The following PRELID3A variants were observed in gnomAD, a reference collection of about 807,000 sequenced individuals.
PRELID3A encodes the protein PRELI domain containing 3A.
A neutral mutation model predicts 23.0 loss-of-function variants in PRELID3A; 27 were observed. The ratio of observed to expected loss-of-function variants is 1.17; its 90% confidence interval spans 0.87 to 1.62. The LOEUF is 1.62. PRELID3A is among the 40% of genes most tolerant of loss of function. The probability of loss-of-function intolerance (pLI) is 0.00; values close to 1 mark genes in which losing one functional copy is unlikely to be tolerated. For synonymous variants in PRELID3A, 87 were observed against 86.4 expected (o/e 1.01, Z -0.04); for missense variants, 231 against 231.4 (o/e 1.00, Z 0.01).
rs1201610572 is a variant in PRELID3A, at chr18:12,407,998, A to G, written c.23A>G (p.His8Arg). ...GCAATGAAGATCTGGAGCTCGGAGC[A>G]CGTGTTTGGGTGAGGCCGGGCTGAG... MKIWSSE[H>R]VFGHPWDTVI... The change falls in exon 1 of 7, where the codon CAC becomes CGC. Residue 8 changes from histidine to arginine, a missense_variant. Transcript: ENST00000440960. 7.7e-7 allele frequency: 1 copy of G among 1,297,138 alleles called. No homozygotes were observed. The highest frequency in any genetic ancestry group is 3.1e-5 in the East Asian group (1 of 32,118). The allele number at this position is 1,297,138 out of a possible 1,614,324, so 80.4% of individuals were successfully genotyped here. A position where few individuals can be genotyped will look rare whatever the true frequency, so the allele number is the denominator to read the frequency against.
chr18:12,407,995 A>G lies in PRELID3A; in HGVS notation c.20A>G (p.Glu7Gly), dbSNP rs1032291511. ...GCGGCAATGAAGATCTGGAGCTCGG[A>G]GCACGTGTTTGGGTGAGGCCGGGCT... The part of the protein sequence containing the change: MKIWSS[E>G]HVFGHPWDTV... Residue 7 changes from glutamate (E) to glycine (G), a missense_variant, in exon 1 of 7, where the codon GAG (glutamate) becomes GGG (glycine). By Grantham distance (98) the Glu-to-Gly change is moderately conservative (BLOSUM62 -2). Coordinates refer to ENST00000440960, the MANE Select transcript of PRELID3A (RefSeq NM_001142405.2). 2 of 1,296,958 alleles carry G rather than the reference A, an allele frequency of 1.5e-6. No individual in the cohort carries two copies. Among genetic ancestry groups the G allele is most frequent in the Admixed American group, 7.9e-5 (2 of 25,252 alleles). The allele number at this position is 1,296,958 out of a possible 1,614,324, so 80.3% of individuals were successfully genotyped here.
At position 12,421,635 on chromosome 18, in the gene PRELID3A, C is replaced by T. The variant is rs372627218; in HGVS notation, c.291+6C>T. The T allele has an allele frequency of 6.3e-7, 1 of 1,595,608 alleles. No individual in the cohort carries two copies. Among genetic ancestry groups the T allele is most frequent in the Non-Finnish European group, 8.6e-7 (1 of 1,163,418 alleles). ...TGGAACTTTGTTCTACCAATGTAAG[C>T]AATGGCCTCAGATGAGAAACGGGCT... On this transcript the variant is annotated splice_donor_region_variant and intron_variant, in intron 3 of 6. Transcript: ENST00000440960.
rs1309627679 is a variant in PRELID3A at position 12,431,140 on chromosome 18, G to A, written c.*34-10G>A. 1 of 152,500 alleles carries A rather than the reference G, an allele frequency of 6.6e-6. No homozygotes were observed. The highest frequency in any genetic ancestry group is 1.5e-5 in the Non-Finnish European group (1 of 68,114). 9.4% of individuals were successfully genotyped at this position (152,500 alleles called of 1,614,324 possible). A position where few individuals can be genotyped will look rare whatever the true frequency, so the allele number is the denominator to read the frequency against. ...GCTCCTCTGCAACCCGACCCCTGGT[G>A]TCTCTGCAGATGCTTCCCAGAAGAA... On this transcript the variant is annotated splice_polypyrimidine_tract_variant and intron_variant, in intron 6 of 6. Coordinates refer to ENST00000440960, the MANE Select transcript of PRELID3A (RefSeq NM_001142405.2).
At position 12,417,659 on chromosome 18, in the gene PRELID3A, G is replaced by T. The variant is rs564156466; in HGVS notation, c.33-2666G>T. Among the ~76,000 whole-genome samples, 4 of 152,282 alleles carry T rather than the reference G, an allele frequency of 2.6e-5. No homozygotes were observed. In the South Asian group the frequency reaches 8.3e-4, roughly 32 times the overall value. On this transcript the variant is annotated intron_variant, in intron 1 of 6. Transcript: ENST00000440960. ...AAAAGCCATCAGACTATTCATTGAGGAGGCTCTCCTGGGTGACTGGGACCC... is the reference window on the plus strand; with the variant it reads ...AAAAGCCATCAGACTATTCATTGAGTAGGCTCTCCTGGGTGACTGGGACCC...
intron 3 of PRELID3A, among the ~76,000 whole-genome samples, chr18:12,425,563 C>T (rs1459614321): frequency 4.7e-5 from 7 of 150,294 alleles, no homozygotes; most frequent in East Asian, 2.0e-4. Context: ...ACCCAGAAGG[C>T]GGAGCTTGCA....
At position 12,420,383 on chromosome 18, in the gene PRELID3A, C is replaced by T; in HGVS notation, c.91C>T (p.Pro31Ser). Residue 31 changes from proline (P) to serine (S), a missense_variant, in exon 2 of 7, where the codon CCG becomes TCG. By Grantham distance (74) the Pro-to-Ser change is moderately conservative (BLOSUM62 -1). Coordinates refer to ENST00000440960, the MANE Select transcript of PRELID3A (RefSeq NM_001142405.2). Reference protein sequence around the residue: ...AMRKYPNPMNPSVLGVDVLQR... With the variant: ...AMRKYPNPMNSSVLGVDVLQR... ...GCGCAAGTACCCGAACCCGATGAAC[C>T]CGAGCGTGCTGGGCGTGGATGTGCT... 1.2e-6 allele frequency: 2 copies of T among 1,611,124 alleles called. No individual in the cohort carries two copies. The highest frequency in any genetic ancestry group is 2.2e-5 in the East Asian group (1 of 44,752).
rs1364888746 is a variant in PRELID3A, at chr18:12,429,371, A to G, written c.487A>G (p.Ile163Val). The G allele has an allele frequency of 5.6e-6, 9 of 1,613,688 alleles. No individual in the cohort carries two copies. The highest frequency in any genetic ancestry group is 7.6e-6 in the Non-Finnish European group (9 of 1,180,000). ...GCAGGGGTGGGCTGCTATCGAGTGG[A>G]TAATTGAACACTCTGAAAGCGCTGT... The part of the protein sequence containing the change: ...AKKGWAAIEW[I>V]IEHSESAVS The change falls in exon 6 of 7, where the codon ATA becomes GTA. Residue 163 changes from isoleucine (I) to valine (V), a missense_variant. Physicochemically the swap from Ile to Val is conservative, Grantham distance 29 (BLOSUM62 3). Coordinates refer to ENST00000440960, the MANE Select transcript of PRELID3A (RefSeq NM_001142405.2).
intron 1 of PRELID3A, among the ~76,000 whole-genome samples, chr18:12,410,223 C>T (rs777054635): frequency 8.5e-5 from 13 of 152,228 alleles, no homozygotes; most frequent in Admixed American, 2.6e-4. Flanking sequence ...CGGGGCCCGG[C>T]GCCTAGCAGG....
intron 3 of PRELID3A, chr18:12,422,187 T>G (rs1381616638): frequency 7.1e-6 from 1 of 140,936 alleles, no homozygotes; most frequent in Non-Finnish European, 1.5e-5. Context: ...AAGTGATGCC[T>G]TTCAACGTGC....
At chr18:12,421,971 G>A (rs2030197061) in intron 3 of PRELID3A, among the ~76,000 whole-genome samples, 1 of 152,012 alleles carries the variant, frequency 6.6e-6, no homozygotes, top group African/African-American at 2.4e-5. Flanking sequence ...ATGGGGTCTT[G>A]CCCTGTCACC....
At chr18:12,431,042 T>C (rs2030578269) in intron 6 of PRELID3A, 108 bp from the exon 7 acceptor site, 1 of 151,718 alleles carries the variant, frequency 6.6e-6, no homozygotes, top group Non-Finnish European at 1.5e-5. Context: ...GATATGCATG[T>C]GTGTGATGTG....
chr18:12,427,561 G>A (rs1004954821), intron 5 of PRELID3A, among the ~76,000 whole-genome samples: 5 of 151,976 alleles, frequency 3.3e-5, no homozygotes, highest in African/African-American at 1.2e-4. Context: ...TGGGCATAGT[G>A]GCACACCTCT....
At chr18:12,421,316 GTGCTGC>G (rs1295680510) in intron 2 of PRELID3A, 2 of 540,750 alleles carry the variant, frequency 3.7e-6, no homozygotes, top group Non-Finnish European at 3.3e-6. Context: ...CGGGAGCATA[GTGCTGC>G]TGCACGCTCC....
intron 1 of PRELID3A, among the ~76,000 whole-genome samples, chr18:12,409,578 T>A (rs529851610): frequency 6.6e-6 from 1 of 152,318 alleles, no homozygotes; most frequent in East Asian, 1.9e-4. Flanking sequence ...TTTGTATGGC[T>A]TGCAGTGTTT....
chr18:12,430,745 GGT>G (rs374236203), intron 6 of PRELID3A, among the ~76,000 whole-genome samples: 63 of 143,350 alleles, frequency 4.4e-4, no homozygotes, highest in African/African-American at 1.6e-3. Context: ...GTATGTGTGT[GGT>G]GTGTGTGCAT....
chr18:12,409,119 T>TA, intron 1 of PRELID3A, among the ~76,000 whole-genome samples: 1 of 151,926 alleles, frequency 6.6e-6, no homozygotes. Flanking sequence ...TTTTTATTTA[T>TA]TTTTTTCGAG....
chr18:12,420,675 G>A (rs1490659435), intron 2 of PRELID3A, among the ~76,000 whole-genome samples, 182 bp downstream of exon 2: 3 of 141,312 alleles, frequency 2.1e-5, no homozygotes, highest in Non-Finnish European at 4.7e-5. Flanking sequence ...GCGGTGGGGG[G>A]AACTTCCCCG....
intron 3 of PRELID3A, among the ~76,000 whole-genome samples, chr18:12,425,464 CAAA>C (rs1235020532): frequency 2.1e-5 from 2 of 93,202 alleles, no homozygotes; most frequent in Non-Finnish European, 2.2e-5. Flanking sequence ...ACTAAAAATA[CAAA>C]AAAAAAAAAA....
At chr18:12,420,551 G>A in intron 2 of PRELID3A, 58 bp downstream of exon 2, 2 of 1,426,224 alleles carry the variant, frequency 1.4e-6, no homozygotes, top group Non-Finnish European at 9.2e-7. Context: ...TCCCGCCCCC[G>A]CCCTCTCCCG....
Sources: gnomAD v4.1 joint callset for allele counts (sites outside exome capture counted in the v4.1 genomes callset) on GRCh38, gnomAD v4.1.1 for gene constraint, MANE v1.5 for transcripts, NCBI Gene and HGNC (gene_info 2026-07-23, HGNC 2026-07-21) for gene names.